The following DEPDC1B variants were observed in gnomAD, a reference collection of about 807,000 sequenced individuals.
DEPDC1B encodes the protein DEP domain-containing protein 1B.
DEPDC1B carries 51 observed loss-of-function variants against 66.5 expected under a neutral mutation model. The ratio of observed to expected loss-of-function variants is 0.77; its 90% CI spans 0.61 to 0.97. The LOEUF is 0.97. DEPDC1B is among the 50% of genes least tolerant of loss of function. The probability of loss-of-function intolerance (pLI) is 0.00; values close to 1 mark genes in which losing one functional copy is unlikely to be tolerated. For synonymous variants in DEPDC1B, 226 were observed against 223.6 expected (o/e 1.01, Z -0.10); for missense variants, 552 against 637.1 (o/e 0.87, Z 1.44).
In DEPDC1B at chr5:60,676,084, C is replaced by T. The variant is rs754951758; in HGVS notation, c.314+10878G>A. Among the ~76,000 whole-genome samples the T allele has an allele frequency of 3.1e-4, 47 of 151,812 alleles. 1 individual carries two copies. Among genetic ancestry groups the T allele is most frequent in the Admixed American group, 2.6e-3 (39 of 15,254 alleles). On this transcript the variant is annotated intron_variant, in intron 2 of 10. Transcript: ENST00000265036. ...CTGGGACTACAGGCACCTGCCACCA[C>T]GCCCAGCTACAATTTTTTTGTATTT... is the stretch of plus-strand genomic sequence containing the variant.
intron 7 of DEPDC1B, among the ~76,000 whole-genome samples, chr5:60,636,478 T>C (rs560609491): frequency 9.2e-5 from 14 of 152,334 alleles, no homozygotes; most frequent in African/African-American, 3.1e-4. Context: ...CTCCGCAAAG[T>C]AGACTTATTA....
intron 2 of DEPDC1B, among the ~76,000 whole-genome samples, chr5:60,660,230 G>A (rs972944876): frequency 2.7e-5 from 4 of 149,444 alleles, no homozygotes; most frequent in Non-Finnish European, 5.9e-5. Context: ...AGGAGAGAGA[G>A]AGACAGACAG....
At chr5:60,629,465 T>G (rs1752876790) in intron 7 of DEPDC1B, among the ~76,000 whole-genome samples, 1 of 152,230 alleles carries the variant, frequency 6.6e-6, no homozygotes, top group African/African-American at 2.4e-5. Context: ...CCCTACACTG[T>G]GTAGTAGTGT....
At chr5:60,638,728 T>A in intron 7 of DEPDC1B, 22 bp downstream of exon 7, 1 of 1,588,444 alleles carries the variant, frequency 6.3e-7, no homozygotes, top group Non-Finnish European at 8.6e-7. Context: ...TGTAGATATA[T>A]GTTCATTATA....
In DEPDC1B at chr5:60,655,358, G is replaced by T. The variant is rs578159979; in HGVS notation, c.315-7825C>A. On this transcript the variant is annotated intron_variant, in intron 2 of 10. Transcript: ENST00000265036. ...TTTCTTCCTGGTTTTATCTAGGAGG[G>T]TTATATATTTTCAGAAATTTATACA... Among the ~76,000 whole-genome samples the T allele has an allele frequency of 2.0e-5, 3 of 148,758 alleles. 1 individual carries two copies. In the East Asian group the frequency reaches 6.2e-4, roughly 31 times the overall value.
At chr5:60,598,688 A>G (rs1360072257) in intron 10 of DEPDC1B, among the ~76,000 whole-genome samples, 1 of 152,224 alleles carries the variant, frequency 6.6e-6, no homozygotes, top group Non-Finnish European at 1.5e-5. Flanking sequence ...TTTAAACTCT[A>G]AACATTTTAC....
chr5:60,604,237 T>TTTTTTTTTTTTTTTTTTC, intron 8 of DEPDC1B, among the ~76,000 whole-genome samples: 2 of 142,574 alleles, frequency 1.4e-5, no homozygotes, highest in Non-Finnish European at 3.1e-5. Flanking sequence ...TTTTTTTTTT[T>TTTTTTTTTTTTTTTTTTC]TTTTACGGAG....
intron 2 of DEPDC1B, among the ~76,000 whole-genome samples, chr5:60,660,173 G>T (rs190567551): frequency 6.6e-6 from 1 of 151,790 alleles, no homozygotes; most frequent in South Asian, 2.1e-4. Context: ...GAGAAAGAGA[G>T]AGAGACAGAG....
chr5:60,655,114 A>T (rs913087609), intron 2 of DEPDC1B, among the ~76,000 whole-genome samples: 1 of 148,834 alleles, frequency 6.7e-6, no homozygotes, highest in South Asian at 2.2e-4. Flanking sequence ...TCCTGGTTTG[A>T]TATAAGGGCG....
At chr5:60,647,554 C>T (rs1177509859) in intron 2 of DEPDC1B, 21 bp from the exon 3 acceptor site, 4 of 1,609,932 alleles carry the variant, frequency 2.5e-6, no homozygotes, top group Admixed American at 1.7e-5. Flanking sequence ...AGAAGAAATT[C>T]TCTATTACTG....
intron 2 of DEPDC1B, among the ~76,000 whole-genome samples, chr5:60,672,957 C>T (rs1754074838): frequency 6.6e-6 from 1 of 152,182 alleles, no homozygotes; most frequent in South Asian, 2.1e-4. Flanking sequence ...AGAAAGGGAA[C>T]TCACTGACTA....
At chr5:60,667,656 C>CATAT (rs1561383876) in intron 2 of DEPDC1B, among the ~76,000 whole-genome samples, 20 of 93,830 alleles carry the variant, frequency 2.1e-4, no homozygotes, top group East Asian at 1.8e-3. Context: ...GGATATTTTA[C>CATAT]ATGTATATAA....
At chr5:60,648,473 C>T (rs1563516) in intron 2 of DEPDC1B, among the ~76,000 whole-genome samples, 10,902 of 152,262 alleles carry the variant, frequency 0.072, 663 homozygotes, top group East Asian at 0.2. Context: ...ATGTGCACTG[C>T]ACACATTAAC....
At chr5:60,673,290 G>A (rs370838061) in intron 2 of DEPDC1B, among the ~76,000 whole-genome samples, 1 of 152,048 alleles carries the variant, frequency 6.6e-6, no homozygotes, top group African/African-American at 2.4e-5. Context: ...CAATAAATTC[G>A]AATTTATCTG....
At chr5:60,613,828 G>A (rs1816900) in intron 7 of DEPDC1B, among the ~76,000 whole-genome samples, 3,750 of 144,386 alleles carry the variant, frequency 0.026, 120 homozygotes, top group African/African-American at 0.061. Flanking sequence ...GTGTGTGTGT[G>A]TATACATAAA....
chr5:60,630,228 T>C (rs941756075), intron 7 of DEPDC1B, among the ~76,000 whole-genome samples: 1 of 152,238 alleles, frequency 6.6e-6, no homozygotes, highest in African/African-American at 2.4e-5. Context: ...CTTTCAGATG[T>C]TCTTTCAAAA....
intron 2 of DEPDC1B, among the ~76,000 whole-genome samples, chr5:60,683,417 GC>G (rs1302659907): frequency 6.6e-6 from 1 of 152,084 alleles, no homozygotes; most frequent in Non-Finnish European, 1.5e-5. Context: ...GGGTAACAGA[GC>G]AAGACCCTGT....
chr5:60,677,326 A>ACACACTCTCT (rs770640655), intron 2 of DEPDC1B, among the ~76,000 whole-genome samples: 80 of 108,558 alleles, frequency 7.4e-4, no homozygotes, highest in African/African-American at 1.4e-3. Context: ...ACACACACAC[A>ACACACTCTCT]CTCTCTCTCT....
In DEPDC1B at chr5:60,687,160, CTCT is replaced by C. The variant is rs1397315540; in HGVS notation, c.113_115del (p.Lys38del). Reference sequence around the variant, plus strand: ...GGCCGCTGTGAAACAATGCTCATAGCTCTTGAAACGACAGCGATGTTTCCGTAA... The same window carrying C: ...GGCCGCTGTGAAACAATGCTCATAGCTGAAACGACAGCGATGTTTCCGTAA... On this transcript the variant is annotated inframe_deletion, in exon 2 of 11. Coordinates refer to ENST00000265036, the MANE Select transcript of DEPDC1B (RefSeq NM_018369.3). 1 of 1,614,150 alleles carries C rather than the reference CTCT, an allele frequency of 6.2e-7. No homozygotes were observed. The highest frequency in any genetic ancestry group is 8.5e-7 in the Non-Finnish European group (1 of 1,180,012).
Sources: gnomAD v4.1 joint callset for allele counts (sites outside exome capture counted in the v4.1 genomes callset) on GRCh38, gnomAD v4.1.1 for gene constraint, MANE v1.5 for transcripts, NCBI Gene and HGNC (gene_info 2026-07-23, HGNC 2026-07-21) for gene names.